Variants in MAP3K21 observed in about 807,000 individuals in gnomAD.
MAP3K21 encodes mitogen-activated protein kinase kinase kinase MLK4.
A neutral mutation model predicts 86.1 loss-of-function variants in MAP3K21; 63 were observed. The ratio of observed to expected loss-of-function variants is 0.73; its 90% CI spans 0.60 to 0.90. The LOEUF is 0.90. Ranked by LOEUF, MAP3K21 falls within the 40% of genes least tolerant of loss-of-function variation. The pLI is 0.00. For missense variants in MAP3K21, 1,220 were observed against 1,367.7 expected (o/e 0.89, Z 1.70); for synonymous variants, 558 against 564.8 (o/e 0.99, Z 0.17).
chr1:233,363,530 C>T (rs995199558), intron 5 of MAP3K21, among the ~76,000 whole-genome samples: 48 of 151,844 alleles, frequency 3.2e-4, no homozygotes, highest in Admixed American at 7.9e-4. Flanking sequence ...AAACCCCCTC[C>T]GTCTCTATGA....
intron 1 of MAP3K21, among the ~76,000 whole-genome samples, chr1:233,330,799 T>C (rs1558448136): frequency 6.6e-6 from 1 of 152,224 alleles, no homozygotes; most frequent in Non-Finnish European, 1.5e-5. Flanking sequence ...CTTTTCAAAG[T>C]TCATACAACA....
intron 1 of MAP3K21, among the ~76,000 whole-genome samples, chr1:233,331,610 A>G (rs889231286): frequency 3.9e-5 from 6 of 152,248 alleles, no homozygotes; most frequent in Non-Finnish European, 7.3e-5. Flanking sequence ...TTAAAAATCA[A>G]TATTGAATTT....
At chr1:233,371,492 C>T (rs1376759008) in intron 5 of MAP3K21, among the ~76,000 whole-genome samples, 1 of 152,116 alleles carries the variant, frequency 6.6e-6, no homozygotes, top group Non-Finnish European at 1.5e-5. Flanking sequence ...TTCCGAGTAG[C>T]TGGGATTACA....
At chr1:233,345,319 C>T (rs1663112939) in intron 1 of MAP3K21, among the ~76,000 whole-genome samples, 1 of 152,136 alleles carries the variant, frequency 6.6e-6, no homozygotes, top group South Asian at 2.1e-4. Flanking sequence ...ATAGCAACAA[C>T]TTGGAACCAA....
Position 233,328,246 on chromosome 1 carries a change from C to G in MAP3K21, c.218C>G (p.Ala73Gly). The G allele has an allele frequency of 6.7e-7, 1 of 1,490,326 alleles. No homozygotes were observed. The highest frequency in any genetic ancestry group is 1.5e-5 in the African/African-American group (1 of 68,766). 92.3% of individuals were successfully genotyped at this position (1,490,326 alleles called of 1,614,324 possible). A position where few individuals can be genotyped will look rare whatever the true frequency, so the allele number is the denominator to read the frequency against. ...GTGGAGGTGCTGTCGCAGGACGCCG[C>G]CGTGTCGGGCGACGAGGGCTGGTGG... Reference protein sequence around the residue: ...QLVEVLSQDAAVSGDEGWWAG... With the variant: ...QLVEVLSQDAGVSGDEGWWAG... The change falls in exon 1 of 10, where the codon GCC becomes GGC. Residue 73 changes from alanine to glycine, a missense_variant. Ala to Gly is a moderately conservative substitution (Grantham distance 60). Transcript: ENST00000366624. The surrounding 1 kb of genome is among the most constrained non-coding windows in gnomAD (Gnocchi z 8.7).
intron 5 of MAP3K21, among the ~76,000 whole-genome samples, chr1:233,363,369 A>G (rs1210714420): frequency 6.6e-6 from 1 of 152,148 alleles, no homozygotes; most frequent in Non-Finnish European, 1.5e-5. Context: ...TGACTAATTT[A>G]GGTTATTGCA....
intron 1 of MAP3K21, among the ~76,000 whole-genome samples, chr1:233,336,366 C>A (rs370667024): frequency 6.6e-6 from 1 of 151,902 alleles, no homozygotes; most frequent in African/African-American, 2.4e-5. Flanking sequence ...CATGGTGAAA[C>A]CCTGTCTCTA....
At position 233,353,944 on chromosome 1, in the gene MAP3K21, A is replaced by G. The variant is rs777289504; in HGVS notation, c.1124A>G (p.Lys375Arg). Residue 375 changes from lysine (K) to arginine (R), a missense_variant, in exon 3 of 10, where the codon AAG becomes AGG. This residue lies in a region of MAP3K21 where 126 missense variants were observed against 127.7 expected (regional missense o/e 0.99). Coordinates refer to ENST00000366624, the MANE Select transcript of MAP3K21 (RefSeq NM_032435.3). ...IPSTCPEPFA[K>R]LMKECWQQDP... The stretch of plus-strand genomic sequence containing the variant: ...TCCACCTGCCCTGAGCCGTTTGCCA[A>G]GCTCATGAAAGGTATTGTGTGTGTG... 1.9e-6 allele frequency: 3 copies of G among 1,603,972 alleles called. No homozygotes were observed. The highest frequency in any genetic ancestry group is 1.7e-6 in the Non-Finnish European group (2 of 1,175,794).
rs200336858 is a variant in MAP3K21, at chr1:233,373,956, A to G, written c.1675+1796A>G. ...CGAAGGTGAGGAGACTAAAGCCGAGAGTGTAGATAGCTCTGGGAGTGTAGA... is the reference window on the plus strand; with the variant it reads ...CGAAGGTGAGGAGACTAAAGCCGAGGGTGTAGATAGCTCTGGGAGTGTAGA... On this transcript the variant is annotated intron_variant, in intron 6 of 9. Transcript: ENST00000366624. 9.2e-5 allele frequency: 14 copies of G among 152,296 alleles called. No homozygotes were observed. In the South Asian group the frequency reaches 2.1e-3, roughly 23 times the overall value. 9.4% of individuals were successfully genotyped at this position (152,296 alleles called of 1,614,324 possible). A position where few individuals can be genotyped will look rare whatever the true frequency, so the allele number is the denominator to read the frequency against.
intron 3 of MAP3K21, among the ~76,000 whole-genome samples, chr1:233,354,537 T>G (rs958498642): frequency 6.6e-6 from 1 of 152,198 alleles, no homozygotes; most frequent in Non-Finnish European, 1.5e-5. Context: ...TGAAACATGG[T>G]ATCCATAGTA....
At chr1:233,363,356 C>T (rs1025420118) in intron 5 of MAP3K21, among the ~76,000 whole-genome samples, 1 of 152,122 alleles carries the variant, frequency 6.6e-6, no homozygotes, top group African/African-American at 2.4e-5. Flanking sequence ...TTGCAGAATC[C>T]TGTGACTAAT....
Position 233,328,839 on chromosome 1 carries a change from T to A in MAP3K21, c.805+6T>A, listed in dbSNP as rs1662760299. 1 of 1,506,236 alleles carries A rather than the reference T, an allele frequency of 6.6e-7. No homozygotes were observed. 93.3% of individuals were successfully genotyped at this position (1,506,236 alleles called of 1,614,324 possible). A position where few individuals can be genotyped will look rare whatever the true frequency, so the allele number is the denominator to read the frequency against. On this transcript the variant is annotated splice_donor_region_variant and intron_variant, in intron 1 of 9. Coordinates refer to ENST00000366624, the MANE Select transcript of MAP3K21 (RefSeq NM_032435.3). The surrounding 1 kb of genome is among the most constrained non-coding windows in gnomAD (Gnocchi z 8.7). ...GGACCTCAAGTCCAGCAACAGTAAGTGGGGCCAGAGGGAGGTGGGGGAAGA... is the reference window on the plus strand; with the variant it reads ...GGACCTCAAGTCCAGCAACAGTAAGAGGGGCCAGAGGGAGGTGGGGGAAGA...
chr1:233,363,716 A>AC (rs1558459594), intron 5 of MAP3K21, among the ~76,000 whole-genome samples: 3 of 149,762 alleles, frequency 2.0e-5, no homozygotes, highest in Admixed American at 2.0e-4. Flanking sequence ...AAAAAAAAGA[A>AC]AGAAAGAAGG....
Position 233,327,859 on chromosome 1 carries a change from G to T in MAP3K21, c.-170G>T. ...CGGCTGGCCAGGAACGCGGGCCGAG[G>T]CTGGACCCTTTGGGCAGCTAGCCCG... On this transcript the variant is annotated 5_prime_UTR_variant, in exon 1 of 10. Coordinates refer to ENST00000366624, the MANE Select transcript of MAP3K21 (RefSeq NM_032435.3). 2.1e-6 allele frequency: 1 copy of T among 466,160 alleles called. No homozygotes were observed. The highest frequency in any genetic ancestry group is 4.0e-5 in the East Asian group (1 of 25,118). 28.9% of individuals were successfully genotyped at this position (466,160 alleles called of 1,614,324 possible).
intron 1 of MAP3K21, among the ~76,000 whole-genome samples, chr1:233,332,787 G>C (rs920283290): frequency 5.9e-5 from 9 of 152,122 alleles, no homozygotes; most frequent in African/African-American, 9.7e-5. Context: ...AGATTATGTG[G>C]CATCATGTAT....
At chr1:233,341,538 C>CCCCA (rs1663040112) in intron 1 of MAP3K21, among the ~76,000 whole-genome samples, 1 of 152,112 alleles carries the variant, frequency 6.6e-6, no homozygotes, top group African/African-American at 2.4e-5. Flanking sequence ...AACTCTGGAC[C>CCCCA]TGGGGAATGG....
At chr1:233,329,188 C>T (rs141953478) in intron 1 of MAP3K21, among the ~76,000 whole-genome samples, 2 of 152,242 alleles carry the variant, frequency 1.3e-5, no homozygotes, top group Non-Finnish European at 2.9e-5. Flanking sequence ...AAACCGAGGC[C>T]TTCTGCAGAT....
intron 4 of MAP3K21, among the ~76,000 whole-genome samples, chr1:233,357,906 A>T (rs1186256393): frequency 6.6e-6 from 1 of 152,080 alleles, no homozygotes; most frequent in Non-Finnish European, 1.5e-5. Context: ...AGAGAAATAG[A>T]CTGCTTGGGT....
intron 1 of MAP3K21, among the ~76,000 whole-genome samples, chr1:233,336,650 A>G (rs1264048332): frequency 6.6e-6 from 1 of 152,228 alleles, no homozygotes; most frequent in Non-Finnish European, 1.5e-5. Flanking sequence ...TACCATTAAC[A>G]TTTCACTAAT....
Sources: allele counts gnomAD v4.1 joint callset (sites outside exome capture counted in the v4.1 genomes callset), GRCh38; gene constraint gnomAD v4.1.1; regional missense constraint gnomAD v4.1.1; non-coding constraint Gnocchi (gnomAD v3.1); transcripts MANE v1.5; gene names NCBI Gene and HGNC (gene_info 2026-07-23, HGNC 2026-07-21).